Variants in BCKDHB observed in about 807,000 individuals in gnomAD.
BCKDHB encodes 2-oxoisovalerate dehydrogenase subunit beta, mitochondrial.
BCKDHB carries 41 observed loss-of-function variants against 48.5 expected under a neutral mutation model. The observed-to-expected ratio is 0.85, with a 90% CI of 0.66 to 1.10. The LOEUF (loss-of-function observed/expected upper bound fraction) is 1.10, where lower values mean the gene tolerates loss of function less well. Among genes scored for constraint, BCKDHB ranks in the 50% least tolerant of loss-of-function variants. The pLI is 0.00. For missense variants in BCKDHB, 496 were observed against 494.2 expected (o/e 1.00, Z -0.03); for synonymous variants, 201 against 174.8 (o/e 1.15, Z -1.18).
At chr6:80,132,162 A>C (rs764634678) in intron 3 of BCKDHB, among the ~76,000 whole-genome samples, 2 of 151,700 alleles carry the variant, frequency 1.3e-5, no homozygotes, top group African/African-American at 2.4e-5. Flanking sequence ...GGGTCTCTCT[A>C]CCCTGTCTGA....
chr6:80,250,281 C>T (rs1776783521), intron 8 of BCKDHB, among the ~76,000 whole-genome samples: 1 of 152,122 alleles, frequency 6.6e-6, no homozygotes, highest in South Asian at 2.1e-4. Context: ...GGCATTTACT[C>T]CTAACTCTCA....
intron 1 of BCKDHB, among the ~76,000 whole-genome samples, chr6:80,118,853 C>T (rs764545080): frequency 6.6e-6 from 1 of 152,062 alleles, no homozygotes; most frequent in East Asian, 1.9e-4. Context: ...AGGTTGCATA[C>T]GTAAAGAGCA....
the BCKDHB span, among the ~76,000 whole-genome samples, chr6:80,357,469 C>G: frequency 2.0e-5 from 3 of 152,128 alleles, no homozygotes; most frequent in African/African-American, 7.2e-5. Context: ...CCTGCTGATG[C>G]AGTCCCTAGG....
chr6:80,311,456 A>G (rs889224037), intron 9 of BCKDHB, among the ~76,000 whole-genome samples: 4 of 151,986 alleles, frequency 2.6e-5, no homozygotes, highest in African/African-American at 7.2e-5. Context: ...TCATTTGTCA[A>G]TTTTTGCTTT....
chr6:80,289,155 C>T (rs1168518089), intron 9 of BCKDHB, among the ~76,000 whole-genome samples: 2 of 152,044 alleles, frequency 1.3e-5, no homozygotes, highest in Non-Finnish European at 2.9e-5. Flanking sequence ...AAGAGTAGTT[C>T]TTCTAATTGT....
intron 3 of BCKDHB, among the ~76,000 whole-genome samples, chr6:80,159,311 A>C (rs941603768): frequency 1.3e-5 from 2 of 152,152 alleles, no homozygotes; most frequent in African/African-American, 4.8e-5. Context: ...AAAACAACAA[A>C]AAAACTATCT....
rs1234880412 is a variant in BCKDHB, at chr6:80,342,598, A to G, written c.1039-1066A>G. Among the ~76,000 whole-genome samples, 3 of 143,042 alleles carry G rather than the reference A, an allele frequency of 2.1e-5. No individual in the cohort carries two copies. The East Asian group carries it at 6.5e-4, about 31-fold the overall frequency. The allele number at this position is 143,042 out of a possible 152,430, so 93.8% of individuals were successfully genotyped here. A position where few individuals can be genotyped will look rare whatever the true frequency, so the allele number is the denominator to read the frequency against. ...AAAAAAAGAAAGGGAAGAAAGGGGA[A>G]GGAAGGGAAGGAAAGGGAAGAAAAA... On this transcript the variant is annotated intron_variant, in intron 9 of 9. Coordinates refer to ENST00000320393, the MANE Select transcript of BCKDHB (RefSeq NM_183050.4).
At chr6:80,290,767 A>G (rs1276215103) in intron 9 of BCKDHB, among the ~76,000 whole-genome samples, 2 of 152,196 alleles carry the variant, frequency 1.3e-5, no homozygotes, top group East Asian at 1.9e-4. Context: ...AAAAGAATAA[A>G]AGAATGGCTA....
chr6:80,381,926 A>G, the BCKDHB span, among the ~76,000 whole-genome samples: 4,783 of 106,224 alleles, frequency 0.045, 278 homozygotes, highest in African/African-American at 0.14. Flanking sequence ...AAAACCTAAA[A>G]CGGTAAACTT....
chr6:80,166,269 A>G lies in BCKDHB; in HGVS notation c.344-1409A>G, dbSNP rs142473576. 8.4e-3 allele frequency among the ~76,000 whole-genome samples: 1,273 copies of G among 152,302 alleles called. 9 individuals carry two copies. The highest frequency in any genetic ancestry group is 0.014 in the Non-Finnish European group (938 of 68,028). On this transcript the variant is annotated intron_variant, in intron 3 of 9. Coordinates refer to ENST00000320393, the MANE Select transcript of BCKDHB (RefSeq NM_183050.4). ...TCAGAACCTCAATAAGATATTTTGT[A>G]TAGTTTTTTCATTATTATTCAATTT...
At chr6:80,424,085 C>T in the BCKDHB span, among the ~76,000 whole-genome samples, 3 of 152,106 alleles carry the variant, frequency 2.0e-5, no homozygotes, top group Non-Finnish European at 2.9e-5. Context: ...GTGTCAGAAA[C>T]TATAGTTCTG....
chr6:80,277,022 C>G (rs1777993669), intron 9 of BCKDHB, among the ~76,000 whole-genome samples: 1 of 150,388 alleles, frequency 6.6e-6, no homozygotes, highest in African/African-American at 2.5e-5. Context: ...AAGCTTCACT[C>G]TCTCTTCTTA....
intron 9 of BCKDHB, among the ~76,000 whole-genome samples, chr6:80,343,310 A>G (rs2128020226): frequency 6.6e-6 from 1 of 152,322 alleles, no homozygotes; most frequent in Admixed American, 6.5e-5. Flanking sequence ...GAGAAGGTAT[A>G]TATTATTGCC....
chr6:80,390,326 G>GA, the BCKDHB span, among the ~76,000 whole-genome samples: 145,708 of 152,048 alleles, frequency 0.96, 70,143 homozygotes, highest in Middle Eastern at 1. Flanking sequence ...ACTCCGCCAG[G>GA]AAAAAAACTC....
At chr6:80,457,831 A>T in the BCKDHB span, among the ~76,000 whole-genome samples, 1 of 152,174 alleles carries the variant, frequency 6.6e-6, no homozygotes, top group Admixed American at 6.5e-5. Context: ...GTGGCCAGGA[A>T]ATCAAAGACA....
intron 8 of BCKDHB, among the ~76,000 whole-genome samples, chr6:80,271,606 T>A (rs565731526): frequency 1.3e-5 from 2 of 152,242 alleles, no homozygotes; most frequent in East Asian, 1.9e-4. Flanking sequence ...GGTACCAGCA[T>A]TTTTATAGAA....
At chr6:80,201,626 C>A (rs1774399071) in intron 7 of BCKDHB, among the ~76,000 whole-genome samples, 1 of 152,098 alleles carries the variant, frequency 6.6e-6, no homozygotes, top group Admixed American at 6.6e-5. Flanking sequence ...TACTTTGCTG[C>A]TCACGTGGAC....
At chr6:80,307,493 C>T (rs1190886423) in intron 9 of BCKDHB, 1 of 984,744 alleles carries the variant, frequency 1.0e-6, no homozygotes, top group Non-Finnish European at 1.2e-6. Context: ...CAGATATACC[C>T]CCATGAAAGA....
At chr6:80,438,570 T>C in the BCKDHB span, among the ~76,000 whole-genome samples, 1 of 152,176 alleles carries the variant, frequency 6.6e-6, no homozygotes, top group Non-Finnish European at 1.5e-5. Flanking sequence ...ACTATGAAAT[T>C]CCAAGATTCC....
Sources: gnomAD v4.1 joint callset for allele counts (sites outside exome capture counted in the v4.1 genomes callset) on GRCh38, gnomAD v4.1.1 for gene constraint, MANE v1.5 for transcripts, NCBI Gene and HGNC (gene_info 2026-07-23, HGNC 2026-07-21) for gene names.